Variants in OLFM3 observed in about 807,000 individuals in gnomAD.
OLFM3 encodes olfactomedin 3, also known as noelin-3.
A neutral mutation model predicts 48.6 loss-of-function variants in OLFM3; 20 were observed. The observed-to-expected ratio is 0.41, with a 90% confidence interval of 0.29 to 0.60. The LOEUF (loss-of-function observed/expected upper bound fraction) is 0.60, where lower values mean the gene tolerates loss of function less well. Among genes scored for constraint, OLFM3 ranks in the 20% least tolerant of loss-of-function variants. The pLI, the probability that OLFM3 is intolerant of heterozygous loss-of-function variation, is 0.28. For missense variants in OLFM3, 437 were observed against 544.3 expected, an observed-to-expected ratio of 0.80 and a Z score of 1.96; for synonymous variants, 222 against 198.1, an observed-to-expected ratio of 1.12 and a Z score of -1.01.
chr1:101,925,475 G>A (rs1659242431), intron 1 of OLFM3, among the ~76,000 whole-genome samples: 1 of 151,844 alleles, frequency 6.6e-6, no homozygotes, highest in African/African-American at 2.4e-5. Context: ...TTGTGTATGT[G>A]AGTGTGTGTG....
chr1:101,866,147 C>T lies in OLFM3; in HGVS notation c.70-29122G>A, dbSNP rs1656847681. The stretch of plus-strand genomic sequence containing the variant: ...TCTCGAATTTCCAGAAAGTTGTTTT[C>T]TTCAGTCAAATGTATTTAAGGAAAC... On this transcript the variant is annotated intron_variant, in intron 1 of 5. Transcript: ENST00000370103. Among the ~76,000 whole-genome samples the T allele has an allele frequency of 2.0e-5, 3 of 152,000 alleles. No individual in the cohort carries two copies. The South Asian group carries it at 6.2e-4, about 31-fold the overall frequency.
At chr1:101,920,340 C>CA (rs1659055649) in intron 1 of OLFM3, among the ~76,000 whole-genome samples, 1 of 152,168 alleles carries the variant, frequency 6.6e-6, no homozygotes, top group Admixed American at 6.6e-5. Flanking sequence ...GAGCTCAACT[C>CA]ACAGGTTTTC....
intron 1 of OLFM3, among the ~76,000 whole-genome samples, chr1:101,892,131 T>TGA (rs1242485478): frequency 6.6e-6 from 1 of 152,080 alleles, no homozygotes; most frequent in African/African-American, 2.4e-5. Context: ...CTGCCCTGTG[T>TGA]GAGACTCTAT....
intron 1 of OLFM3, among the ~76,000 whole-genome samples, chr1:101,856,898 G>C (rs1240392042): frequency 6.6e-6 from 1 of 151,944 alleles, no homozygotes; most frequent in Non-Finnish European, 1.5e-5. Flanking sequence ...GGATATAATG[G>C]AGGAGAAAAA....
At chr1:101,950,564 G>A (rs10874528) in intron 1 of OLFM3, among the ~76,000 whole-genome samples, 78,861 of 150,848 alleles carry the variant, frequency 0.52, 20,996 homozygotes, top group Middle Eastern at 0.62. Flanking sequence ...TCAGCCTCCC[G>A]AGTAGCTGGG....
intron 4 of OLFM3, among the ~76,000 whole-genome samples, chr1:101,819,634 G>C (rs1281244688): frequency 2.0e-5 from 3 of 151,934 alleles, no homozygotes; most frequent in Non-Finnish European, 2.9e-5. Context: ...AATGAATCTA[G>C]CCTCTTTTTT....
intron 1 of OLFM3, among the ~76,000 whole-genome samples, chr1:101,938,083 C>T (rs528705280): frequency 6.6e-6 from 1 of 152,256 alleles, no homozygotes; most frequent in East Asian, 1.9e-4. Flanking sequence ...GCAAATTTAA[C>T]GTAGAAATCA....
intron 5 of OLFM3, 120 bp downstream of exon 5, chr1:101,805,956 C>A: frequency 1.7e-6 from 1 of 593,258 alleles, no homozygotes; most frequent in Non-Finnish European, 2.9e-6. Context: ...AAAATATTTG[C>A]AAATTATGTA....
At chr1:101,906,802 C>T (rs1428422746) in intron 1 of OLFM3, among the ~76,000 whole-genome samples, 1 of 152,110 alleles carries the variant, frequency 6.6e-6, no homozygotes, top group Admixed American at 6.5e-5. Context: ...TCATCAGTGA[C>T]CAGATTTTAT....
intron 2 of OLFM3, among the ~76,000 whole-genome samples, chr1:101,833,329 T>C (rs995604728): frequency 3.9e-5 from 6 of 152,250 alleles, no homozygotes; most frequent in African/African-American, 1.4e-4. Flanking sequence ...AGCTGTCTAA[T>C]TGGCCAGGAT....
chr1:101,858,354 T>C (rs972220631), intron 1 of OLFM3, among the ~76,000 whole-genome samples: 2 of 152,116 alleles, frequency 1.3e-5, no homozygotes, highest in Non-Finnish European at 2.9e-5. Flanking sequence ...TCATCCTCTA[T>C]ATGCTAGACA....
intron 2 of OLFM3, 113 bp from the exon 3 acceptor site, chr1:101,830,940 C>A (rs12067670): frequency 0.037 from 30,502 of 829,900 alleles, 704 homozygotes; most frequent in Non-Finnish European, 0.044. Flanking sequence ...AAATTCATAA[C>A]TGGGTTCCCA....
At position 101,886,013 on chromosome 1, in the gene OLFM3, T is replaced by A. The variant is rs186631351; in HGVS notation, c.70-48988A>T. On this transcript the variant is annotated intron_variant, in intron 1 of 5. Transcript: ENST00000370103. Reference sequence around the variant, plus strand: ...GACAAAGGAAGAAGTGTGTAAACACTCAATTAATATCTTATAATAAGTGAT... The same window carrying A: ...GACAAAGGAAGAAGTGTGTAAACACACAATTAATATCTTATAATAAGTGAT... Among the ~76,000 whole-genome samples, 14 of 152,178 alleles carry A rather than the reference T, an allele frequency of 9.2e-5. No individual in the cohort carries two copies. In the East Asian group the frequency reaches 2.7e-3, roughly 29 times the overall value.
At chr1:101,976,675 A>G (rs541419303) in intron 1 of OLFM3, among the ~76,000 whole-genome samples, 2 of 152,200 alleles carry the variant, frequency 1.3e-5, no homozygotes, top group Non-Finnish European at 2.9e-5. Flanking sequence ...TAATTTCTCA[A>G]GATTCTACTG....
chr1:101,984,020 T>C (rs1661168791), intron 1 of OLFM3, among the ~76,000 whole-genome samples: 1 of 152,080 alleles, frequency 6.6e-6, no homozygotes, highest in African/African-American at 2.4e-5. Context: ...GAGGCCAAAG[T>C]GGGCAGATCA....
Position 101,928,124 on chromosome 1 carries a change from C to T in OLFM3, c.69+68624G>A, listed in dbSNP as rs1321420173. ...TGAATCAAAACATTAAAGAAGCTGC[C>T]GCAACTAATTTACAAGCTGTCTTTA... is the stretch of plus-strand genomic sequence containing the variant. On this transcript the variant is annotated intron_variant, in intron 1 of 5. Transcript: ENST00000370103. Among the ~76,000 whole-genome samples the T allele has an allele frequency of 7.9e-5, 12 of 152,084 alleles. No individual in the cohort carries two copies. In the East Asian group the frequency reaches 1.2e-3, roughly 15 times the overall value.
At chr1:101,881,762 C>G (rs544892314) in intron 1 of OLFM3, among the ~76,000 whole-genome samples, 4 of 151,602 alleles carry the variant, frequency 2.6e-5, no homozygotes, top group African/African-American at 9.7e-5. Flanking sequence ...CACTGTCATC[C>G]TCCTGAGTTA....
chr1:101,895,457 A>G (rs1388245283), intron 1 of OLFM3, among the ~76,000 whole-genome samples: 1 of 151,400 alleles, frequency 6.6e-6, no homozygotes, highest in African/African-American at 2.4e-5. Flanking sequence ...ACTCACTCAC[A>G]TTTGATTACA....
At chr1:101,907,573 A>G (rs1218054789) in intron 1 of OLFM3, among the ~76,000 whole-genome samples, 1 of 152,220 alleles carries the variant, frequency 6.6e-6, no homozygotes, top group Non-Finnish European at 1.5e-5. Context: ...CAAAGAGGGG[A>G]CGGAGATGAT....
Sources: allele counts gnomAD v4.1 joint callset (sites outside exome capture counted in the v4.1 genomes callset), GRCh38; gene constraint gnomAD v4.1.1; transcripts MANE v1.5; gene names NCBI Gene and HGNC (gene_info 2026-07-23, HGNC 2026-07-21).